The following AOPEP variants were observed in gnomAD, a reference collection of about 807,000 sequenced individuals.
The protein encoded by AOPEP is aminopeptidase O (putative), also known as aminopeptidase O.
AOPEP carries 77 observed loss-of-function variants against 98.1 expected under a neutral mutation model. The ratio of observed to expected loss-of-function variants is 0.78; its 90% confidence interval spans 0.65 to 0.95. The LOEUF (loss-of-function observed/expected upper bound fraction) is 0.95, where lower values mean the gene tolerates loss of function less well. Among genes scored for constraint, AOPEP ranks in the 40% least tolerant of loss-of-function variants. AOPEP has a pLI of 0.00. For missense variants in AOPEP, 1,024 were observed against 1,024.7 expected (o/e 1.00, Z 0.01); for synonymous variants, 346 against 365.3 (o/e 0.95, Z 0.60).
At chr9:94,960,047 G>A (rs955821554) in intron 9 of AOPEP, among the ~76,000 whole-genome samples, 4 of 152,096 alleles carry the variant, frequency 2.6e-5, no homozygotes, top group Admixed American at 2.6e-4. Flanking sequence ...GAATTAAGAG[G>A]TTGAAATTAT....
chr9:94,886,545 C>A (rs1428878485), intron 5 of AOPEP, among the ~76,000 whole-genome samples: 2 of 151,938 alleles, frequency 1.3e-5, no homozygotes, highest in African/African-American at 4.8e-5. Context: ...GAATTTTTTT[C>A]TTTTCAAATT....
intron 5 of AOPEP, among the ~76,000 whole-genome samples, chr9:94,829,320 T>G (rs576055304): frequency 1.3e-5 from 2 of 152,340 alleles, no homozygotes; most frequent in Admixed American, 6.5e-5. Flanking sequence ...CTATTTATTT[T>G]CAATGTGGAA....
Position 95,052,865 on chromosome 9 carries a change from A to G in AOPEP, c.2116-7829A>G, listed in dbSNP as rs2066501073. On this transcript the variant is annotated intron_variant, in intron 13 of 16. Transcript: ENST00000375315. ...GTGACTGTTTGACACTGTGCTTCCT[A>G]TATATCTGTTTACAGAATATTTGGA... Among the ~76,000 whole-genome samples the G allele has an allele frequency of 2.6e-5, 4 of 152,356 alleles. No homozygotes were observed. In the South Asian group the frequency reaches 8.3e-4, roughly 32 times the overall value.
chr9:94,923,149 A>G (rs773939302), intron 5 of AOPEP, among the ~76,000 whole-genome samples: 17 of 152,154 alleles, frequency 1.1e-4, no homozygotes, highest in Admixed American at 5.9e-4. Flanking sequence ...CTGAAGGAGG[A>G]GGCATGGAAG....
chr9:94,772,883 A>T, intron 2 of AOPEP, 119 bp from the exon 3 acceptor site: 1 of 1,021,834 alleles, frequency 9.8e-7, no homozygotes, highest in Non-Finnish European at 1.4e-6. Flanking sequence ...CCAGTCAACT[A>T]CAAAGTTTCA....
At position 94,760,205 on chromosome 9, in the gene AOPEP, A is replaced by AT; in HGVS notation, c.428dup (p.Leu143PhefsTer8). ...GACACAGGGAATCATGGGAGTGAGG[A>AT]TTTTTTGCTAGTGTTGGACTGCTGT... is the stretch of plus-strand genomic sequence containing the variant. On this transcript the variant is annotated frameshift_variant, in exon 2 of 17. Transcript: ENST00000375315. LOFTEE classifies it high-confidence loss of function. The AT allele has an allele frequency of 1.9e-6, 3 of 1,614,082 alleles. No individual in the cohort carries two copies. Among genetic ancestry groups the AT allele is most frequent in the Non-Finnish European group, 2.5e-6 (3 of 1,180,022 alleles).
At chr9:94,954,489 T>A (rs2137942143) in intron 7 of AOPEP, among the ~76,000 whole-genome samples, 1 of 152,316 alleles carries the variant, frequency 6.6e-6, no homozygotes, top group Admixed American at 6.5e-5. Flanking sequence ...AATCTCGTAA[T>A]GTTTTAAGAA....
intron 6 of AOPEP, among the ~76,000 whole-genome samples, chr9:94,927,470 A>G (rs1017351197): frequency 2.0e-5 from 3 of 152,016 alleles, no homozygotes; most frequent in African/African-American, 7.3e-5. Flanking sequence ...GCCATTCTCT[A>G]AGCACATCAC....
At chr9:94,732,889 T>G (rs1830871761) in intron 1 of AOPEP, among the ~76,000 whole-genome samples, 1 of 152,220 alleles carries the variant, frequency 6.6e-6, no homozygotes, top group Admixed American at 6.5e-5. Flanking sequence ...GTGTCCTATC[T>G]GCAGCAGTCT....
At chr9:95,078,513 A>T (rs1181303505) in intron 14 of AOPEP, among the ~76,000 whole-genome samples, 1 of 152,238 alleles carries the variant, frequency 6.6e-6, no homozygotes, top group East Asian at 1.9e-4. Flanking sequence ...TTAGAAACCG[A>T]CAGGTCTCAC....
At chr9:94,805,708 C>G (rs1849122337) in intron 5 of AOPEP, among the ~76,000 whole-genome samples, 1 of 152,132 alleles carries the variant, frequency 6.6e-6, no homozygotes, top group African/African-American at 2.4e-5. Context: ...ATTGCATGCA[C>G]AATTTTCTTA....
the AOPEP span, among the ~76,000 whole-genome samples, chr9:95,145,676 G>A: frequency 2.6e-5 from 4 of 152,060 alleles, no homozygotes; most frequent in African/African-American, 9.7e-5. Context: ...TGATACTGCC[G>A]CACGCACATG....
the AOPEP span, chr9:95,114,732 T>A: frequency 6.2e-7 from 1 of 1,606,608 alleles, no homozygotes; most frequent in Admixed American, 1.7e-5. Flanking sequence ...GAGAGATACG[T>A]CAGAGGGCAA....
chr9:95,079,605 C>T lies in AOPEP; in HGVS notation c.2233-1089C>T, dbSNP rs549552400. Among the ~76,000 whole-genome samples the T allele has an allele frequency of 2.1e-3, 318 of 152,278 alleles. 1 individual carries two copies. Among genetic ancestry groups the T allele is most frequent in the African/African-American group, 7.4e-3 (306 of 41,566 alleles). ...CTTGTAGAGCATGTGCCTGCAGCAC[C>T]GAGCAATGCCGCCTGCTCCGGGATG... On this transcript the variant is annotated intron_variant, in intron 14 of 16. Transcript: ENST00000375315.
chr9:94,872,787 G>T (rs540823545), intron 5 of AOPEP, among the ~76,000 whole-genome samples: 1 of 152,166 alleles, frequency 6.6e-6, no homozygotes, highest in African/African-American at 2.4e-5. Context: ...AAGAAAAGAC[G>T]TGAAAGATGA....
chr9:94,989,639 T>A (rs1278534846), intron 11 of AOPEP, among the ~76,000 whole-genome samples: 1 of 141,218 alleles, frequency 7.1e-6, no homozygotes, highest in Non-Finnish European at 1.5e-5. Context: ...TGAGACAGAG[T>A]CTTGCTCTCT....
At chr9:95,142,026 C>T in the AOPEP span, among the ~76,000 whole-genome samples, 30 of 90,446 alleles carry the variant, frequency 3.3e-4, no homozygotes, top group Admixed American at 1.9e-4. Context: ...GAGTTTTGCT[C>T]TTGTCGCCCA....
chr9:94,838,517 C>T (rs568846082), intron 5 of AOPEP, among the ~76,000 whole-genome samples: 32 of 152,266 alleles, frequency 2.1e-4, no homozygotes, highest in African/African-American at 6.7e-4. Flanking sequence ...TCAATATTGG[C>T]TGATTTGATT....
chr9:95,034,979 C>T (rs142863714), intron 13 of AOPEP, among the ~76,000 whole-genome samples: 1 of 144,598 alleles, frequency 6.9e-6, no homozygotes, highest in Non-Finnish European at 1.5e-5. Flanking sequence ...TTTCTTTTTT[C>T]TTTTTTTTTT....
Sources: gnomAD v4.1 joint callset for allele counts (sites outside exome capture counted in the v4.1 genomes callset) on GRCh38, gnomAD v4.1.1 for gene constraint, MANE v1.5 for transcripts, NCBI Gene and HGNC (gene_info 2026-07-23, HGNC 2026-07-21) for gene names.